SMG7: variants seen among roughly 807,000 people sequenced by gnomAD.
SMG7 encodes the protein SMG7 nonsense mediated mRNA decay factor.
SMG7 carries 34 observed loss-of-function variants against 148.2 expected under a neutral mutation model. That is an observed-to-expected ratio of 0.23 (90% CI 0.17 to 0.31). The LOEUF is 0.31. Ranked by LOEUF, SMG7 falls within the 10% of genes least tolerant of loss-of-function variation. The probability of loss-of-function intolerance (pLI) is 1.00; values close to 1 mark genes in which losing one functional copy is unlikely to be tolerated. For missense variants in SMG7, 1,114 were observed against 1,408.4 expected, an observed-to-expected ratio of 0.79 and a Z score of 3.35; for synonymous variants, 492 against 515.1, an observed-to-expected ratio of 0.96 and a Z score of 0.61.
At chr1:183,490,349 T>G (rs1414554165) in intron 1 of SMG7, among the ~76,000 whole-genome samples, 1 of 152,232 alleles carries the variant, frequency 6.6e-6, no homozygotes, top group African/African-American at 2.4e-5. Flanking sequence ...GAGTACATTT[T>G]ATGTTTTGGG....
intron 4 of SMG7, among the ~76,000 whole-genome samples, chr1:183,521,249 C>T (rs375890743): frequency 1.3e-5 from 2 of 151,962 alleles, no homozygotes; most frequent in Non-Finnish European, 2.9e-5. Context: ...CAGGTGCGCA[C>T]CATCACATCC....
chr1:183,551,699 G>A (rs1671085180), intron 22 of SMG7, 119 bp from the exon 23 acceptor site: 2 of 589,016 alleles, frequency 3.4e-6, no homozygotes, highest in South Asian at 8.2e-5. Context: ...GATTTTTATG[G>A]GGAGTGGGGT....
At chr1:183,473,391 A>G (rs1651260727) in intron 1 of SMG7, among the ~76,000 whole-genome samples, 1 of 151,900 alleles carries the variant, frequency 6.6e-6, no homozygotes, top group South Asian at 2.1e-4. Context: ...CTTGTATGTC[A>G]GAGGTAGAGT....
chr1:183,513,606 A>G (rs1042983021), intron 2 of SMG7, among the ~76,000 whole-genome samples: 1 of 151,966 alleles, frequency 6.6e-6, no homozygotes, highest in African/African-American at 2.4e-5. Context: ...TCCTGACTTC[A>G]TGATCCTCCT....
rs1669858791 is a variant in SMG7 at position 183,545,980 on chromosome 1, T to C, written c.2385T>C (p.Asp795=). 1.3e-6 allele frequency: 2 copies of C among 1,594,694 alleles called. No individual in the cohort carries two copies. The highest frequency in any genetic ancestry group is 1.4e-5 in the African/African-American group (1 of 73,512). Residue 795 remains aspartate (D), a synonymous_variant, in exon 17 of 23, where the codon GAT becomes GAC. Coordinates refer to ENST00000688051, the MANE Select transcript of SMG7 (RefSeq NM_001375584.1). Reference sequence around the variant, plus strand: ...CTCTTTTTTAGTATCAACAGGCAGATGCCTCCAAACAGCTGTGGAATCCCC... The same window carrying C: ...CTCTTTTTTAGTATCAACAGGCAGACGCCTCCAAACAGCTGTGGAATCCCC... ...HSGFQQYQQA[D]ASKQLWNPPQ... is the part of the protein sequence containing the mutation.
intron 1 of SMG7, among the ~76,000 whole-genome samples, chr1:183,479,890 G>T (rs1653644405): frequency 6.6e-6 from 1 of 152,146 alleles, no homozygotes; most frequent in Admixed American, 6.5e-5. Flanking sequence ...TGGGCAAATT[G>T]CCATTTCAGG....
At chr1:183,544,554 C>T in intron 15 of SMG7, 57 bp downstream of exon 15, 2 of 1,557,388 alleles carry the variant, frequency 1.3e-6, no homozygotes, top group Non-Finnish European at 1.8e-6. Flanking sequence ...AATTTCTATT[C>T]AGTCACTGAG....
intron 4 of SMG7, among the ~76,000 whole-genome samples, chr1:183,522,482 T>C (rs905397492): frequency 4.6e-5 from 7 of 152,212 alleles, no homozygotes; most frequent in African/African-American, 1.7e-4. Flanking sequence ...AACATGAAAG[T>C]CATTGGTGAA....
intron 4 of SMG7, among the ~76,000 whole-genome samples, chr1:183,525,137 C>T (rs188536966): frequency 2.2e-4 from 34 of 152,128 alleles, no homozygotes; most frequent in Non-Finnish European, 4.6e-4. Context: ...GAACTGTGTG[C>T]GGGGCAAGAA....
chr1:183,534,768 G>A (rs189483714), intron 10 of SMG7, among the ~76,000 whole-genome samples: 1 of 152,184 alleles, frequency 6.6e-6, no homozygotes, highest in Admixed American at 6.5e-5. Context: ...TCGGGAGGCT[G>A]AGACAGGAAA....
chr1:183,541,327 A>G (rs984240203), intron 13 of SMG7, among the ~76,000 whole-genome samples: 1 of 152,194 alleles, frequency 6.6e-6, no homozygotes, highest in Non-Finnish European at 1.5e-5. Flanking sequence ...TGTTCTCCCT[A>G]TTGTGTATTA....
chr1:183,553,778 C>T lies in SMG7; in HGVS notation c.*1847C>T, dbSNP rs1267551113. 1 of 153,002 alleles carries T rather than the reference C, an allele frequency of 6.5e-6. No homozygotes were observed. Among genetic ancestry groups the T allele is most frequent in the Admixed American group, 6.5e-5 (1 of 15,344 alleles). The allele number at this position is 153,002 out of a possible 1,614,324, so 9.5% of individuals were successfully genotyped here. A position where few individuals can be genotyped will look rare whatever the true frequency, so the allele number is the denominator to read the frequency against. The stretch of plus-strand genomic sequence containing the variant: ...TGTGTCCACCTTTCTCTCCTCTTCC[C>T]AAGCCTTTTTCCTACTACCTTTACC... On this transcript the variant is annotated 3_prime_UTR_variant, in exon 23 of 23. Transcript: ENST00000688051.
chr1:183,529,315 G>C, intron 7 of SMG7, 83 bp from the exon 8 acceptor site: 1 of 1,468,464 alleles, frequency 6.8e-7, no homozygotes, highest in Non-Finnish European at 9.3e-7. Context: ...TGTGTATCAA[G>C]TATTTAGCAA....
chr1:183,494,429 A>G (rs1043638242), intron 1 of SMG7, among the ~76,000 whole-genome samples: 5 of 150,680 alleles, frequency 3.3e-5, no homozygotes, highest in Non-Finnish European at 7.4e-5. Context: ...AAGAGAAAAA[A>G]GTTATTTTAT....
chr1:183,500,955 A>G (rs777501764), intron 1 of SMG7, among the ~76,000 whole-genome samples: 19 of 152,198 alleles, frequency 1.2e-4, no homozygotes, highest in Non-Finnish European at 2.8e-4. Context: ...GATTGAATAC[A>G]TGCTTTGGAA....
Position 183,503,742 on chromosome 1 carries a change from C to A in SMG7, c.30-9095C>A, listed in dbSNP as rs143977479. On this transcript the variant is annotated intron_variant, in intron 1 of 22. Transcript: ENST00000688051. ...CACAATCAGATTACCCCTCCTTATTCAAATGATCATTTAGGTTCTTTTATA... is the reference window on the plus strand; with the variant it reads ...CACAATCAGATTACCCCTCCTTATTAAAATGATCATTTAGGTTCTTTTATA... Among the ~76,000 whole-genome samples the A allele has an allele frequency of 1.6e-3, 247 of 152,302 alleles. 2 individuals are homozygous for A. The highest frequency in any genetic ancestry group is 5.7e-3 in the African/African-American group (238 of 41,572).
intron 4 of SMG7, among the ~76,000 whole-genome samples, chr1:183,524,095 A>T (rs1401137185): frequency 6.7e-6 from 1 of 149,470 alleles, no homozygotes. Flanking sequence ...TTATTTATTC[A>T]TTTTTTAAGA....
chr1:183,550,785 C>T lies in SMG7; in HGVS notation c.3168C>T (p.Ser1056=), dbSNP rs747124350. 6.2e-7 allele frequency: 1 copy of T among 1,614,086 alleles called. No individual in the cohort carries two copies. The highest frequency in any genetic ancestry group is 1.1e-5 in the South Asian group (1 of 91,086). The change falls in exon 21 of 23, where the codon TCC becomes TCT. Residue 1056 remains serine (S), a synonymous_variant. Transcript: ENST00000688051. ...HSTPASQSPH[S]SNPSSLPSSP... Reference sequence around the variant, plus strand: ...CACCAGCCAGCCAGTCTCCTCATTCCTCTAACCCAAGCAGCCTACCCAGCT... The same window carrying T: ...CACCAGCCAGCCAGTCTCCTCATTCTTCTAACCCAAGCAGCCTACCCAGCT...
chr1:183,476,371 A>G lies in SMG7; in HGVS notation c.29+3722A>G, dbSNP rs530314341. Among the ~76,000 whole-genome samples the G allele has an allele frequency of 7.2e-5, 11 of 152,316 alleles. 1 individual carries two copies. In the South Asian group the frequency reaches 2.3e-3, roughly 32 times the overall value. On this transcript the variant is annotated intron_variant, in intron 1 of 22. Coordinates refer to ENST00000688051, the MANE Select transcript of SMG7 (RefSeq NM_001375584.1). ...TATAGCTACAGATCCTGCCTCATGT[A>G]GATGAAAATTAGTTTTGTCTTGGCT...
Sources: gnomAD v4.1 joint callset for allele counts (sites outside exome capture counted in the v4.1 genomes callset) on GRCh38, gnomAD v4.1.1 for gene constraint, MANE v1.5 for transcripts, NCBI Gene and HGNC (gene_info 2026-07-23, HGNC 2026-07-21) for gene names.